Variants in MRTFA observed in about 807,000 individuals in gnomAD.
The protein encoded by MRTFA is myocardin-related transcription factor A.
Under a neutral mutation model 83.5 loss-of-function variants are expected in MRTFA, and 20 were observed. The ratio of observed to expected loss-of-function variants is 0.24; its 90% CI spans 0.17 to 0.35. The LOEUF (loss-of-function observed/expected upper bound fraction) is 0.35, where lower values mean the gene tolerates loss of function less well. Among genes scored for constraint, MRTFA ranks in the 10% least tolerant of loss-of-function variants. The pLI is 1.00. For synonymous variants in MRTFA, 659 were observed against 541.2 expected (o/e 1.22, Z -3.02); for missense variants, 1,200 against 1,224.7 (o/e 0.98, Z 0.30).
intron 4 of MRTFA, among the ~76,000 whole-genome samples, chr22:40,453,562 G>A (rs757736212): frequency 3.3e-5 from 5 of 152,286 alleles, no homozygotes; most frequent in East Asian, 3.9e-4. Context: ...GGACTAGAGC[G>A]TATGAGAGAT....
intron 12 of MRTFA, 135 bp downstream of exon 12, chr22:40,418,239 C>A (rs1009674129): frequency 6.8e-7 from 1 of 1,462,520 alleles, no homozygotes; most frequent in Non-Finnish European, 9.0e-7. Context: ...CTCAGTACCC[C>A]CCTGGTGAAG....
At chr22:40,490,486 C>G (rs755223593) in intron 3 of MRTFA, among the ~76,000 whole-genome samples, 1 of 151,854 alleles carries the variant, frequency 6.6e-6, no homozygotes, top group Non-Finnish European at 1.5e-5. Flanking sequence ...GTAGTCCCAG[C>G]TACTCGGGAG....
chr22:40,595,962 C>CT (rs1403298733), intron 1 of MRTFA, among the ~76,000 whole-genome samples: 1 of 147,438 alleles, frequency 6.8e-6, no homozygotes, highest in Non-Finnish European at 1.5e-5. Flanking sequence ...CCTCAACCTC[C>CT]TGGGATCACA....
intron 3 of MRTFA, among the ~76,000 whole-genome samples, chr22:40,536,423 C>T (rs1431798511): frequency 3.3e-5 from 5 of 149,986 alleles, no homozygotes; most frequent in African/African-American, 7.3e-5. Context: ...CGGGAGGCAG[C>T]GGCTGGAGGA....
intron 2 of MRTFA, among the ~76,000 whole-genome samples, chr22:40,588,700 G>A (rs181256954): frequency 2.3e-4 from 35 of 152,218 alleles, no homozygotes; most frequent in Admixed American, 1.3e-3. Context: ...ATATAGTCTG[G>A]GCCAGATGTA....
chr22:40,497,707 C>G (rs1422591231), intron 3 of MRTFA, among the ~76,000 whole-genome samples: 1 of 151,636 alleles, frequency 6.6e-6, no homozygotes, highest in African/African-American at 2.4e-5. Context: ...GAGCTGAGAT[C>G]GCACCACTGC....
At chr22:40,502,778 G>A (rs979735796) in intron 3 of MRTFA, among the ~76,000 whole-genome samples, 2 of 152,084 alleles carry the variant, frequency 1.3e-5, no homozygotes, top group East Asian at 1.9e-4. Flanking sequence ...GCTCGCCGGC[G>A]CGGCGGCAAA....
intron 12 of MRTFA, chr22:40,417,818 C>T: frequency 3.2e-6 from 1 of 310,810 alleles, no homozygotes; most frequent in African/African-American, 2.2e-5. Flanking sequence ...CCTGAGGTAC[C>T]TGTTCCTGTC....
intron 3 of MRTFA, among the ~76,000 whole-genome samples, chr22:40,469,060 G>A (rs2053857840): frequency 6.6e-6 from 1 of 152,154 alleles, no homozygotes; most frequent in South Asian, 2.1e-4. Flanking sequence ...AAATTGCATG[G>A]TGCTTATTTA....
At chr22:40,506,930 T>C (rs1751851704) in intron 3 of MRTFA, among the ~76,000 whole-genome samples, 1 of 152,250 alleles carries the variant, frequency 6.6e-6, no homozygotes, top group African/African-American at 2.4e-5. Flanking sequence ...ATTATTTTAA[T>C]TCTTCAATGA....
At chr22:40,579,737 A>C (rs1414794589) in intron 2 of MRTFA, among the ~76,000 whole-genome samples, 1 of 151,884 alleles carries the variant, frequency 6.6e-6, no homozygotes, top group East Asian at 1.9e-4. Flanking sequence ...GCAGGCGCCT[A>C]TAATCCCAGC....
chr22:40,543,254 C>A (rs1224134534), intron 3 of MRTFA, among the ~76,000 whole-genome samples: 1 of 152,078 alleles, frequency 6.6e-6, no homozygotes, highest in Non-Finnish European at 1.5e-5. Flanking sequence ...AGAAACTGCC[C>A]ACTCAAAATT....
Position 40,418,467 on chromosome 22 carries a change from G to A in MRTFA, c.2271C>T (p.Thr757=). ...GGGTCCCTGTGGAGTCGGTGATGAGGGTGGGAGGTGCAACCCCCTTGATGA... is the reference window on the plus strand; with the variant it reads ...GGGTCCCTGTGGAGTCGGTGATGAGAGTGGGAGGTGCAACCCCCTTGATGA... The change falls in exon 12 of 15, where the codon ACC becomes ACT. Residue 757 remains threonine (T), a synonymous_variant. Coordinates refer to ENST00000355630, the MANE Select transcript of MRTFA (RefSeq NM_020831.6). 6.2e-7 allele frequency: 1 copy of A among 1,613,686 alleles called. No individual in the cohort carries two copies. The highest frequency in any genetic ancestry group is 8.5e-7 in the Non-Finnish European group (1 of 1,179,778).
intron 3 of MRTFA, chr22:40,533,497 A>C (rs990964238): frequency 1.4e-6 from 1 of 707,512 alleles, no homozygotes; most frequent in South Asian, 7.3e-5. Flanking sequence ...CTCCTAGTAC[A>C]AATATGACCC....
At chr22:40,444,082 G>A (rs1057483322) in intron 4 of MRTFA, among the ~76,000 whole-genome samples, 1 of 152,110 alleles carries the variant, frequency 6.6e-6, no homozygotes, top group South Asian at 2.1e-4. Context: ...TGGTCATAAC[G>A]AGATGGCACC....
At chr22:40,534,734 C>G (rs1239430208) in intron 3 of MRTFA, among the ~76,000 whole-genome samples, 5 of 152,202 alleles carry the variant, frequency 3.3e-5, no homozygotes, top group Admixed American at 6.5e-5. Flanking sequence ...GTCTATCTGA[C>G]TGAATTTTTT....
chr22:40,590,647 T>C (rs1210203644), intron 2 of MRTFA, among the ~76,000 whole-genome samples: 1 of 145,934 alleles, frequency 6.9e-6, no homozygotes, highest in Non-Finnish European at 1.5e-5. Flanking sequence ...CACTCCAGCC[T>C]GTGTAACAGA....
intron 3 of MRTFA, among the ~76,000 whole-genome samples, chr22:40,530,541 C>A (rs944013552): frequency 1.3e-5 from 2 of 152,252 alleles, no homozygotes; most frequent in African/African-American, 4.8e-5. Flanking sequence ...AAATGATCCA[C>A]CTGCCTCGGC....
rs11321951 is a variant in MRTFA, at chr22:40,528,737, CAAAA to C, written c.241+23365_241+23368del. ...GGGCAATAAGAGTGAAACTCTGCTT[CAAAA>C]AAAAAAAAAAAAAAAGTATGTTTTT... is the stretch of plus-strand genomic sequence containing the variant. On this transcript the variant is annotated intron_variant, in intron 3 of 14. Transcript: ENST00000355630. Among the ~76,000 whole-genome samples the C allele has an allele frequency of 1.3e-4, 15 of 116,596 alleles. No homozygotes were observed. The East Asian group carries it at 1.5e-3, about 12-fold the overall frequency. The allele number at this position is 116,596 out of a possible 152,430, so 76.5% of individuals were successfully genotyped here. A position where few individuals can be genotyped will look rare whatever the true frequency, so the allele number is the denominator to read the frequency against.
Sources: gnomAD v4.1 joint callset for allele counts (sites outside exome capture counted in the v4.1 genomes callset) on GRCh38, gnomAD v4.1.1 for gene constraint, MANE v1.5 for transcripts, NCBI Gene and HGNC (gene_info 2026-07-23, HGNC 2026-07-21) for gene names.